The following LPCAT2 variants were observed in gnomAD, a reference collection of about 807,000 sequenced individuals.
LPCAT2 encodes the protein 1-AGP acyltransferase 11.
LPCAT2 carries 58 observed loss-of-function variants against 64.7 expected under a neutral mutation model. The ratio of observed to expected loss-of-function variants is 0.90; its 90% CI spans 0.73 to 1.12. The LOEUF (loss-of-function observed/expected upper bound fraction) is 1.12. Ranked by LOEUF, LPCAT2 falls within the 50% of genes most tolerant of loss-of-function variation. The pLI is 0.00. For synonymous variants in LPCAT2, 252 were observed against 245.3 expected (o/e 1.03, Z -0.26); for missense variants, 579 against 669.8 (o/e 0.86, Z 1.50).
intron 11 of LPCAT2, among the ~76,000 whole-genome samples, chr16:55,570,963 A>G (rs554607358): frequency 6.6e-6 from 1 of 152,266 alleles, no homozygotes; most frequent in South Asian, 2.1e-4. Context: ...GGTTGCTGCC[A>G]AGTAAATTCT....
chr16:55,568,148 TA>T (rs5817019), intron 11 of LPCAT2, among the ~76,000 whole-genome samples: 77 of 127,408 alleles, frequency 6.0e-4, no homozygotes, highest in African/African-American at 1.8e-3. Context: ...GTTTCTTTAG[TA>T]AAAAAAAGCA....
At chr16:55,570,504 G>A (rs372462820) in intron 11 of LPCAT2, among the ~76,000 whole-genome samples, 111 of 152,162 alleles carry the variant, frequency 7.3e-4, no homozygotes, top group African/African-American at 2.6e-3. Flanking sequence ...GCAAGTTGGC[G>A]CACACCTGTA....
intron 2 of LPCAT2, among the ~76,000 whole-genome samples, chr16:55,526,951 A>G (rs772902872): frequency 3.3e-5 from 5 of 152,198 alleles, no homozygotes; most frequent in Non-Finnish European, 7.4e-5. Flanking sequence ...ATGGCTCAGA[A>G]TATGGGATAA....
intron 1 of LPCAT2, among the ~76,000 whole-genome samples, chr16:55,512,023 T>C (rs565580626): frequency 2.0e-5 from 3 of 152,204 alleles, no homozygotes; most frequent in Non-Finnish European, 4.4e-5. Context: ...CCATACTTCA[T>C]TGCACCACCA....
chr16:55,540,802 A>G (rs1963386797), intron 8 of LPCAT2: 1 of 190,346 alleles, frequency 5.3e-6, no homozygotes, highest in African/African-American at 2.3e-5. Flanking sequence ...CAAACCCTAT[A>G]TATACTAACT....
At chr16:55,570,612 T>G (rs1358708853) in intron 11 of LPCAT2, among the ~76,000 whole-genome samples, 1 of 152,006 alleles carries the variant, frequency 6.6e-6, no homozygotes, top group African/African-American at 2.4e-5. Flanking sequence ...AAACAATTAT[T>G]TAAAAAAATC....
At chr16:55,529,226 G>T (rs373416374) in intron 3 of LPCAT2, among the ~76,000 whole-genome samples, 2 of 152,298 alleles carry the variant, frequency 1.3e-5, no homozygotes, top group Admixed American at 1.3e-4. Context: ...TGATGAGAGA[G>T]TGTGAAAGTT....
rs564320846 is a variant in LPCAT2 at position 55,575,302 on chromosome 16, G to A, written c.1314+573G>A. ...CAGATGAATAAAATTCATGTCCCTG[G>A]TTCCCACAGAGCTTGATGAAAGTTC... On this transcript the variant is annotated intron_variant, in intron 12 of 13. Coordinates refer to ENST00000262134, the MANE Select transcript of LPCAT2 (RefSeq NM_017839.5). Among the ~76,000 whole-genome samples the A allele has an allele frequency of 1.7e-4, 26 of 152,204 alleles. 1 individual carries two copies. The South Asian group carries it at 5.4e-3, about 32-fold the overall frequency.
At chr16:55,541,778 A>G in intron 8 of LPCAT2, 1 of 944,206 alleles carries the variant, frequency 1.1e-6, no homozygotes, top group Middle Eastern at 3.2e-4. Context: ...AAAGTTACTT[A>G]TGTGCTGGCA....
At chr16:55,529,070 AT>A (rs1369278358) in intron 3 of LPCAT2, among the ~76,000 whole-genome samples, 36 of 152,152 alleles carry the variant, frequency 2.4e-4, no homozygotes, top group Non-Finnish European at 5.1e-4. Flanking sequence ...CTCTTTGAAA[AT>A]TATGATGTGG....
chr16:55,527,982 T>C (rs1385292998), intron 2 of LPCAT2, among the ~76,000 whole-genome samples: 13 of 152,224 alleles, frequency 8.5e-5, no homozygotes, highest in African/African-American at 3.1e-4. Flanking sequence ...CTGATTTGGA[T>C]ATCTCAGTAG....
chr16:55,531,928 A>C lies in LPCAT2; in HGVS notation c.657A>C (p.Pro219=), dbSNP rs375161368. Residue 219 remains proline (P), a synonymous_variant, in exon 5 of 14, where the codon CCA becomes CCC. Transcript: ENST00000262134. ...TTTTTCCCAAGATACTAGTTTTCCC[A>C]GAAGGTACTTGTACTAATCGTTCCT... is the stretch of plus-strand genomic sequence containing the variant. ...GGEWPQILVF[P]EGTCTNRSCL... 6.3e-7 allele frequency: 1 copy of C among 1,589,402 alleles called. No homozygotes were observed. The highest frequency in any genetic ancestry group is 1.3e-5 in the African/African-American group (1 of 74,364).
intron 9 of LPCAT2, among the ~76,000 whole-genome samples, chr16:55,547,767 T>G (rs536540787): frequency 1.3e-5 from 2 of 152,156 alleles, no homozygotes; most frequent in African/African-American, 4.8e-5. Context: ...TAGAAATTTT[T>G]TTTTTGTTTT....
chr16:55,519,238 C>T (rs1308904412), intron 1 of LPCAT2, among the ~76,000 whole-genome samples: 2 of 151,928 alleles, frequency 1.3e-5, no homozygotes, highest in Non-Finnish European at 2.9e-5. Flanking sequence ...CGGTGGCTCA[C>T]ACCTGTAGTC....
At chr16:55,549,143 CGA>C in intron 9 of LPCAT2, 132 bp from the exon 10 acceptor site, 1 of 610,166 alleles carries the variant, frequency 1.6e-6, no homozygotes, top group South Asian at 2.4e-5. Context: ...TCAAGAAAAG[CGA>C]GAGTTACTGG....
Position 55,526,479 on chromosome 16 carries a change from C to T in LPCAT2, c.311+832C>T, listed in dbSNP as rs1370291. Among the ~76,000 whole-genome samples the T allele has an allele frequency of 8.6e-3, 1,310 of 152,124 alleles. 13 individuals are homozygous for T. Among genetic ancestry groups the T allele is most frequent in the African/African-American group, 0.03 (1,241 of 41,512 alleles). On this transcript the variant is annotated intron_variant, in intron 2 of 13. Coordinates refer to ENST00000262134, the MANE Select transcript of LPCAT2 (RefSeq NM_017839.5). ...ATTTAAATCTCAAATGTGAGTGCAT[C>T]CTCCAAAAATTTTGAGAAAGACTGT...
chr16:55,567,258 T>A, intron 11 of LPCAT2: 1 of 1,613,640 alleles, frequency 6.2e-7, no homozygotes, highest in Non-Finnish European at 8.5e-7. Flanking sequence ...CCATTCTGGG[T>A]CTCTGGGAAG....
In LPCAT2 at chr16:55,586,384, TA is replaced by T. The variant is rs1411744091; in HGVS notation, c.*3287del. 1 of 152,106 alleles carries T rather than the reference TA, an allele frequency of 6.6e-6. No individual in the cohort carries two copies. The highest frequency in any genetic ancestry group is 2.4e-5 in the African/African-American group (1 of 41,436). The allele number at this position is 152,106 out of a possible 1,614,324, so 9.4% of individuals were successfully genotyped here. A position where few individuals can be genotyped will look rare whatever the true frequency, so the allele number is the denominator to read the frequency against. ...ATTTTTTATAACGTATTAACCTTATTATTTTCTTATTATTTTAAAAGAATCT... is the reference window on the plus strand; with the variant it reads ...ATTTTTTATAACGTATTAACCTTATTTTTTCTTATTATTTTAAAAGAATCT... On this transcript the variant is annotated 3_prime_UTR_variant, in exon 14 of 14. Coordinates refer to ENST00000262134, the MANE Select transcript of LPCAT2 (RefSeq NM_017839.5).
Position 55,550,936 on chromosome 16 carries a change from T to C in LPCAT2, c.1062-13T>C. ...GGCTAATAACATGTATCTATAATTCTTTGTTTGTTTAGATTAGATTGGGAT... is the reference window on the plus strand; with the variant it reads ...GGCTAATAACATGTATCTATAATTCCTTGTTTGTTTAGATTAGATTGGGAT... On this transcript the variant is annotated splice_polypyrimidine_tract_variant and intron_variant, in intron 10 of 13. Transcript: ENST00000262134. 1 of 1,558,764 alleles carries C rather than the reference T, an allele frequency of 6.4e-7. No individual in the cohort carries two copies.
Sources: allele counts gnomAD v4.1 joint callset (sites outside exome capture counted in the v4.1 genomes callset), GRCh38; gene constraint gnomAD v4.1.1; transcripts MANE v1.5; gene names NCBI Gene and HGNC (gene_info 2026-07-23, HGNC 2026-07-21).